Variants in MSRA observed in about 807,000 individuals in gnomAD.
MSRA encodes the protein methionine sulfoxide reductase A.
MSRA carries 54 observed loss-of-function variants against 31.3 expected under a neutral mutation model. The ratio of observed to expected loss-of-function variants is 1.73; its 90% CI spans 1.39 to 2.17. The LOEUF (loss-of-function observed/expected upper bound fraction) is 2.17, where lower values mean the gene tolerates loss of function less well. Ranked by LOEUF, MSRA falls within the 30% of genes most tolerant of loss-of-function variation. The pLI, the probability that MSRA is intolerant of heterozygous loss-of-function variation, is 0.00. For missense variants in MSRA, 507 were observed against 300.9 expected, an observed-to-expected ratio of 1.69 and a Z score of -5.07; for synonymous variants, 169 against 116.5, an observed-to-expected ratio of 1.45 and a Z score of -2.90.
At chr8:10,158,654 C>T (rs926531584) in intron 1 of MSRA, among the ~76,000 whole-genome samples, 2 of 151,978 alleles carry the variant, frequency 1.3e-5, no homozygotes, top group Admixed American at 6.6e-5. Flanking sequence ...TGGGTTGTTT[C>T]TACTTTTTGT....
chr8:10,090,732 C>A (rs887945362), intron 1 of MSRA, among the ~76,000 whole-genome samples: 15 of 152,212 alleles, frequency 9.9e-5, no homozygotes, highest in Non-Finnish European at 2.2e-4. Flanking sequence ...AAGCTATGTT[C>A]TGTGTCTGTG....
intron 5 of MSRA, among the ~76,000 whole-genome samples, chr8:10,322,855 G>A (rs935129617): frequency 1.3e-5 from 2 of 152,176 alleles, no homozygotes; most frequent in Admixed American, 6.5e-5. Context: ...ACTTTGGGAG[G>A]CTGAAGTGGG....
intron 5 of MSRA, among the ~76,000 whole-genome samples, chr8:10,406,715 C>T (rs573555642): frequency 1.3e-5 from 2 of 152,336 alleles, no homozygotes; most frequent in South Asian, 2.1e-4. Context: ...CTCCCCTGCT[C>T]TGTGCTTGTT....
At chr8:10,368,549 G>A (rs918830408) in intron 5 of MSRA, among the ~76,000 whole-genome samples, 1 of 152,236 alleles carries the variant, frequency 6.6e-6, no homozygotes, top group African/African-American at 2.4e-5. Flanking sequence ...GGAGTGGGGT[G>A]GTCCCAGTCC....
intron 1 of MSRA, among the ~76,000 whole-genome samples, chr8:10,175,906 A>G (rs1051080777): frequency 5.3e-5 from 8 of 152,210 alleles, no homozygotes; most frequent in African/African-American, 1.9e-4. Flanking sequence ...CATTCCTTAC[A>G]ATAGATGTAG....
intron 2 of MSRA, among the ~76,000 whole-genome samples, chr8:10,236,072 G>C (rs1484260737): frequency 6.6e-6 from 1 of 152,126 alleles, no homozygotes; most frequent in Non-Finnish European, 1.5e-5. Flanking sequence ...TTAATATTCA[G>C]AACTCATGCA....
At chr8:10,423,301 T>G (rs182065016) in intron 5 of MSRA, among the ~76,000 whole-genome samples, 9 of 152,250 alleles carry the variant, frequency 5.9e-5, no homozygotes, top group Middle Eastern at 6.8e-3. Context: ...TCTGCTCCAA[T>G]TCGTTAAGGA....
At chr8:10,260,697 G>T (rs1798433899) in intron 3 of MSRA, among the ~76,000 whole-genome samples, 1 of 152,070 alleles carries the variant, frequency 6.6e-6, no homozygotes, top group Non-Finnish European at 1.5e-5. Context: ...TGCATTGGTG[G>T]GGGGGAATAA....
intron 1 of MSRA, chr8:10,095,848 C>T: frequency 1.6e-6 from 2 of 1,265,506 alleles, no homozygotes; most frequent in Non-Finnish European, 1.0e-6. Context: ...CCATAGTGTC[C>T]ATGCATTTGG....
chr8:10,074,866 C>T (rs1797927631), intron 1 of MSRA, among the ~76,000 whole-genome samples: 2 of 152,042 alleles, frequency 1.3e-5, no homozygotes, highest in Non-Finnish European at 2.9e-5. Flanking sequence ...ACCGTGTTGG[C>T]CAGGCTGGTC....
chr8:10,140,499 A>T (rs2129030678), intron 1 of MSRA, among the ~76,000 whole-genome samples: 1 of 152,288 alleles, frequency 6.6e-6, no homozygotes, highest in South Asian at 2.1e-4. Flanking sequence ...TTGATCTACG[A>T]GATTTGGAAT....
At chr8:10,422,296 A>G (rs1351955148) in intron 5 of MSRA, among the ~76,000 whole-genome samples, 1 of 152,128 alleles carries the variant, frequency 6.6e-6, no homozygotes, top group Non-Finnish European at 1.5e-5. Context: ...AGCAACAGAA[A>G]AGCCAGGCAG....
At chr8:10,336,096 G>T (rs542833039) in intron 5 of MSRA, among the ~76,000 whole-genome samples, 1 of 152,218 alleles carries the variant, frequency 6.6e-6, no homozygotes, top group South Asian at 2.1e-4. Flanking sequence ...TTCTCATTCC[G>T]TATCTTGCCA....
chr8:10,405,708 A>G (rs146439292), intron 5 of MSRA, among the ~76,000 whole-genome samples: 1 of 152,298 alleles, frequency 6.6e-6, no homozygotes, highest in East Asian at 1.9e-4. Flanking sequence ...TGCATACACA[A>G]CCATGTGCTC....
chr8:10,341,051 G>A (rs976278477), intron 5 of MSRA, among the ~76,000 whole-genome samples: 3 of 152,178 alleles, frequency 2.0e-5, no homozygotes, highest in Non-Finnish European at 4.4e-5. Flanking sequence ...TATTTGTAGG[G>A]CTCTGTGGAT....
intron 3 of MSRA, among the ~76,000 whole-genome samples, chr8:10,267,635 C>T (rs1437149415): frequency 1.3e-5 from 2 of 152,040 alleles, no homozygotes; most frequent in Non-Finnish European, 2.9e-5. Flanking sequence ...TTACAAAAGT[C>T]AGGAGAGAGA....
At chr8:10,311,171 C>T (rs1485194064) in intron 4 of MSRA, among the ~76,000 whole-genome samples, 1 of 152,100 alleles carries the variant, frequency 6.6e-6, no homozygotes, top group Non-Finnish European at 1.5e-5. Flanking sequence ...GAATGGCAGG[C>T]TGAGTTATTC....
intron 1 of MSRA, among the ~76,000 whole-genome samples, chr8:10,139,487 TTG>T (rs1420663837): frequency 1.3e-5 from 2 of 152,200 alleles, no homozygotes; most frequent in African/African-American, 4.8e-5. Flanking sequence ...ACAGTGTGCA[TTG>T]TATCCATTAA....
At chr8:10,108,904 C>T (rs759002850) in intron 1 of MSRA, among the ~76,000 whole-genome samples, 14 of 152,160 alleles carry the variant, frequency 9.2e-5, no homozygotes, top group Non-Finnish European at 1.8e-4. Context: ...AGCCCTCCCA[C>T]CTCAGCTGCC....
Sources: allele counts gnomAD v4.1 joint callset (sites outside exome capture counted in the v4.1 genomes callset), GRCh38; gene constraint gnomAD v4.1.1; transcripts MANE v1.5; gene names NCBI Gene and HGNC (gene_info 2026-07-23, HGNC 2026-07-21).